The following SCAI variants were observed in gnomAD, a reference collection of about 807,000 sequenced individuals.
SCAI encodes suppressor of cancer cell invasion, also known as protein SCAI.
Under a neutral mutation model 92.2 loss-of-function variants are expected in SCAI, and 24 were observed. The observed-to-expected ratio is 0.26, with a 90% CI of 0.19 to 0.37. The LOEUF (loss-of-function observed/expected upper bound fraction) is 0.37. SCAI is among the 10% of genes least tolerant of loss of function. SCAI has a pLI of 1.00. For missense variants in SCAI, 450 were observed against 736.2 expected, an observed-to-expected ratio of 0.61 and a Z score of 4.50; for synonymous variants, 261 against 258.6, an observed-to-expected ratio of 1.01 and a Z score of -0.09.
rs183848292 is a variant in SCAI at position 125,116,008 on chromosome 9, A to C, written c.98+26625T>G. ...TCAGGAGTTCGAGACCAGCCTGGCCAACATCGTGAAATCCCATCTCTATCA... is the reference window on the plus strand; with the variant it reads ...TCAGGAGTTCGAGACCAGCCTGGCCCACATCGTGAAATCCCATCTCTATCA... On this transcript the variant is annotated intron_variant, in intron 2 of 17. Transcript: ENST00000336505. Among the ~76,000 whole-genome samples the C allele has an allele frequency of 2.8e-3, 433 of 152,330 alleles. 6 individuals carry two copies. Among genetic ancestry groups the C allele is most frequent in the East Asian group, 0.018 (91 of 5,186 alleles).
At chr9:125,039,529 CCACTT>C (rs1258270237) in intron 3 of SCAI, among the ~76,000 whole-genome samples, 1 of 152,102 alleles carries the variant, frequency 6.6e-6, no homozygotes, top group Non-Finnish European at 1.5e-5. Flanking sequence ...GCATAACAAG[CCACTT>C]CAAAACTTAG....
At chr9:124,984,266 G>C (rs1831943597) in intron 14 of SCAI, among the ~76,000 whole-genome samples, 2 of 152,204 alleles carry the variant, frequency 1.3e-5, no homozygotes, top group African/African-American at 2.4e-5. Context: ...CCAGGGAAGA[G>C]AGAAGATCAG....
At chr9:125,033,705 A>G (rs1329499961) in intron 3 of SCAI, among the ~76,000 whole-genome samples, 1 of 151,478 alleles carries the variant, frequency 6.6e-6, no homozygotes, top group Non-Finnish European at 1.5e-5. Flanking sequence ...ACTGAGTTGT[A>G]TACTTCCAAA....
chr9:125,047,543 T>C (rs1221872578), intron 3 of SCAI, among the ~76,000 whole-genome samples: 1 of 152,190 alleles, frequency 6.6e-6, no homozygotes, highest in African/African-American at 2.4e-5. Context: ...TATTAGCATC[T>C]ATGTTGGAGG....
At chr9:125,115,189 G>A (rs564954736) in intron 2 of SCAI, among the ~76,000 whole-genome samples, 8 of 151,942 alleles carry the variant, frequency 5.3e-5, no homozygotes, top group East Asian at 3.9e-4. Context: ...TGGCTAACAC[G>A]ATGAAACCCC....
intron 2 of SCAI, among the ~76,000 whole-genome samples, chr9:125,107,220 C>T (rs1232246597): frequency 6.6e-6 from 1 of 151,790 alleles, no homozygotes; most frequent in Non-Finnish European, 1.5e-5. Flanking sequence ...ACCATCCTGG[C>T]CAACATAGTG....
intron 14 of SCAI, among the ~76,000 whole-genome samples, chr9:124,980,914 A>G (rs1355320960): frequency 5.3e-5 from 8 of 152,170 alleles, no homozygotes; most frequent in Non-Finnish European, 1.2e-4. Flanking sequence ...ACCTTCTATC[A>G]GATTATAATT....
intron 2 of SCAI, among the ~76,000 whole-genome samples, chr9:125,060,366 T>G (rs1833748447): frequency 6.6e-6 from 1 of 152,216 alleles, no homozygotes; most frequent in African/African-American, 2.4e-5. Flanking sequence ...CAGCATTGTT[T>G]GTGGAGATAA....
intron 17 of SCAI, among the ~76,000 whole-genome samples, chr9:124,957,661 C>T (rs1159470342): frequency 6.7e-6 from 1 of 149,454 alleles, no homozygotes; most frequent in Non-Finnish European, 1.5e-5. Context: ...TGAGGTACCG[C>T]GCCTGGCCAA....
rs1432903390 is a variant in SCAI at position 125,003,098 on chromosome 9, A to T, written c.1065+16T>A. The T allele has an allele frequency of 6.5e-7, 1 of 1,546,326 alleles. No homozygotes were observed. The highest frequency in any genetic ancestry group is 1.4e-5 in the African/African-American group (1 of 73,496). On this transcript the variant is annotated intron_variant, in intron 11 of 17. Coordinates refer to ENST00000336505, the MANE Select transcript of SCAI (RefSeq NM_001144877.3). Reference sequence around the variant, plus strand: ...ACACTTTCACCTCATAGTAAAAAGTACTGGATCACACATACCTTAAAAGAC... The same window carrying T: ...ACACTTTCACCTCATAGTAAAAAGTTCTGGATCACACATACCTTAAAAGAC...
chr9:125,094,577 C>T (rs905345626), intron 2 of SCAI, among the ~76,000 whole-genome samples: 22 of 152,336 alleles, frequency 1.4e-4, no homozygotes, highest in African/African-American at 5.1e-4. Flanking sequence ...ACACGGCTCA[C>T]TGAAGCCTCG....
In SCAI at chr9:125,132,310, C is replaced by T. The variant is rs184226054; in HGVS notation, c.98+10323G>A. The stretch of plus-strand genomic sequence containing the variant: ...TGTATTTCTAGTAGAGAAAGGGTTT[C>T]ATCACGTTAGCCAGGCTGGTCTCAA... On this transcript the variant is annotated intron_variant, in intron 2 of 17. Coordinates refer to ENST00000336505, the MANE Select transcript of SCAI (RefSeq NM_001144877.3). 2.2e-3 allele frequency among the ~76,000 whole-genome samples: 333 copies of T among 152,098 alleles called. 3 individuals carry two copies. Among genetic ancestry groups the T allele is most frequent in the African/African-American group, 7.7e-3 (318 of 41,490 alleles).
chr9:125,009,719 T>C (rs542726630), intron 9 of SCAI, among the ~76,000 whole-genome samples: 25 of 151,572 alleles, frequency 1.6e-4, no homozygotes, highest in Non-Finnish European at 3.4e-4. Flanking sequence ...CGAAACCCTG[T>C]CTCTACTAAA....
intron 3 of SCAI, among the ~76,000 whole-genome samples, chr9:125,043,449 C>T (rs1266747879): frequency 2.0e-5 from 3 of 152,138 alleles, no homozygotes; most frequent in African/African-American, 7.2e-5. Flanking sequence ...TTGGTAGACC[C>T]AGTGGTTTTT....
At chr9:125,092,661 A>T (rs1368374941) in intron 2 of SCAI, among the ~76,000 whole-genome samples, 1 of 152,228 alleles carries the variant, frequency 6.6e-6, no homozygotes, top group Non-Finnish European at 1.5e-5. Context: ...CAAGGACATC[A>T]GCCCATCAAC....
At chr9:125,041,244 T>C (rs1833313328) in intron 3 of SCAI, among the ~76,000 whole-genome samples, 1 of 152,214 alleles carries the variant, frequency 6.6e-6, no homozygotes, top group African/African-American at 2.4e-5. Context: ...CCCACATTTA[T>C]TGTAAGTTTT....
chr9:125,039,328 A>C (rs1833267966), intron 3 of SCAI, among the ~76,000 whole-genome samples: 1 of 150,720 alleles, frequency 6.6e-6, no homozygotes, highest in Non-Finnish European at 1.5e-5. Flanking sequence ...TGGAGGCTGC[A>C]GTGAACCAAG....
chr9:125,095,220 G>A (rs954073750), intron 2 of SCAI, among the ~76,000 whole-genome samples: 2 of 152,144 alleles, frequency 1.3e-5, no homozygotes, highest in Non-Finnish European at 2.9e-5. Context: ...AAAAGTCCAC[G>A]TTAGCTCCAG....
At chr9:124,955,357 G>A (rs921617791) in intron 17 of SCAI, among the ~76,000 whole-genome samples, 1 of 151,776 alleles carries the variant, frequency 6.6e-6, no homozygotes, top group Non-Finnish European at 1.5e-5. Flanking sequence ...TTGAGCCCAG[G>A]AGTTCCAGGC....
Sources: allele counts gnomAD v4.1 joint callset (sites outside exome capture counted in the v4.1 genomes callset), GRCh38; gene constraint gnomAD v4.1.1; transcripts MANE v1.5; gene names NCBI Gene and HGNC (gene_info 2026-07-23, HGNC 2026-07-21).